The following CARMIL1 variants were observed in gnomAD, a reference collection of about 807,000 sequenced individuals.
CARMIL1 encodes the protein capping protein regulator and myosin 1 linker 1, also known as F-actin-uncapping protein LRRC16A.
Under a neutral mutation model 177.1 loss-of-function variants are expected in CARMIL1, and 90 were observed. The observed-to-expected ratio is 0.51, with a 90% confidence interval of 0.43 to 0.61. CARMIL1 has a LOEUF of 0.61. Ranked by LOEUF, CARMIL1 falls within the 20% of genes least tolerant of loss-of-function variation. CARMIL1 has a pLI of 0.00. For synonymous variants in CARMIL1, 577 were observed against 606.2 expected, an observed-to-expected ratio of 0.95 and a Z score of 0.71; for missense variants, 1,380 against 1,667.0, an observed-to-expected ratio of 0.83 and a Z score of 3.00.
chr6:25,382,306 C>T (rs766626537), intron 2 of CARMIL1, among the ~76,000 whole-genome samples: 2 of 152,082 alleles, frequency 1.3e-5, no homozygotes, highest in Non-Finnish European at 2.9e-5. Context: ...TCATGTTGGC[C>T]AGGCTGGTCT....
chr6:25,582,172 C>T (rs1048140630), intron 31 of CARMIL1, among the ~76,000 whole-genome samples: 2 of 152,194 alleles, frequency 1.3e-5, no homozygotes, highest in Admixed American at 6.5e-5. Flanking sequence ...AACCACCCTC[C>T]CAAGGTCACT....
At chr6:25,506,613 T>G (rs1395144359) in intron 17 of CARMIL1, among the ~76,000 whole-genome samples, 5 of 152,186 alleles carry the variant, frequency 3.3e-5, no homozygotes, top group Admixed American at 2.0e-4. Flanking sequence ...ACTAGATTGT[T>G]ATTTGGCATC....
At chr6:25,484,434 A>G (rs1802430375) in intron 12 of CARMIL1, among the ~76,000 whole-genome samples, 1 of 152,238 alleles carries the variant, frequency 6.6e-6, no homozygotes, top group Non-Finnish European at 1.5e-5. Context: ...ACACATTTAT[A>G]CACACATATT....
chr6:25,520,335 A>C lies in CARMIL1; in HGVS notation c.1966A>C (p.Lys656Gln). 6.6e-7 allele frequency: 1 copy of C among 1,512,840 alleles called. No homozygotes were observed. Among genetic ancestry groups the C allele is most frequent in the Non-Finnish European group, 9.0e-7 (1 of 1,113,240 alleles). 93.7% of individuals were successfully genotyped at this position (1,512,840 alleles called of 1,614,324 possible). ...NPEKTEDALQ[K>Q]IENYLLRNHE... ...TGAAAAAACAGAAGACGCTCTGCAA[A>C]AGGTATTAAAGAATCAGTAGCTTAA... The change falls in exon 23 of 37, where the codon AAG (lysine) becomes CAG (glutamine). Residue 656 changes from lysine to glutamine, a missense_variant and splice_region_variant. Coordinates refer to ENST00000329474, the MANE Select transcript of CARMIL1 (RefSeq NM_017640.6).
intron 2 of CARMIL1, among the ~76,000 whole-genome samples, chr6:25,321,712 G>A (rs1420395585): frequency 1.3e-5 from 2 of 151,338 alleles, no homozygotes; most frequent in African/African-American, 2.4e-5. Context: ...AGGCTGGAGT[G>A]CAGTGGTGCG....
chr6:25,514,923 C>T (rs1393566989), intron 20 of CARMIL1, among the ~76,000 whole-genome samples: 3 of 131,630 alleles, frequency 2.3e-5, no homozygotes, highest in Non-Finnish European at 3.3e-5. Context: ...GAGCGAGACC[C>T]TGTCTCAAAA....
At chr6:25,297,633 A>C (rs1561950222) in intron 2 of CARMIL1, among the ~76,000 whole-genome samples, 1 of 152,172 alleles carries the variant, frequency 6.6e-6, no homozygotes, top group Non-Finnish European at 1.5e-5. Flanking sequence ...GCACCTTGTC[A>C]CTTGGAGTTT....
Position 25,583,821 on chromosome 6 carries a change from A to AC in CARMIL1, c.3006+2390dup, listed in dbSNP as rs373890684. On this transcript the variant is annotated intron_variant, in intron 31 of 36. Transcript: ENST00000329474. Reference sequence around the variant, plus strand: ...ACTTTTGTAGATAGATAAAAAGACAACCCCCCCCACCCGCCTCCCGCCCAA... The same window carrying AC: ...ACTTTTGTAGATAGATAAAAAGACAACCCCCCCCCACCCGCCTCCCGCCCAA... Among the ~76,000 whole-genome samples the AC allele has an allele frequency of 5.9e-4, 89 of 149,746 alleles. 1 individual carries two copies. The highest frequency in any genetic ancestry group is 4.9e-3 in the South Asian group (23 of 4,660).
intron 2 of CARMIL1, among the ~76,000 whole-genome samples, chr6:25,418,167 T>C (rs1312741804): frequency 6.6e-6 from 1 of 152,118 alleles, no homozygotes; most frequent in African/African-American, 2.4e-5. Flanking sequence ...AGCTAGTAGG[T>C]TGACCAACAG....
In CARMIL1 at chr6:25,313,683, G is replaced by GCATATATATATATATATATATATATATA; in HGVS notation, c.138+28774_138+28775insCATATATATATATATATATATATATATA. 1.3e-3 allele frequency among the ~76,000 whole-genome samples: 172 copies of GCATATATATATATATATATATATATATA among 133,658 alleles called. 16 individuals carry two copies. The highest frequency in any genetic ancestry group is 5.9e-3 in the East Asian group (24 of 4,074). The allele number at this position is 133,658 out of a possible 152,430, so 87.7% of individuals were successfully genotyped here. A position where few individuals can be genotyped will look rare whatever the true frequency, so the allele number is the denominator to read the frequency against. On this transcript the variant is annotated intron_variant, in intron 2 of 36. Coordinates refer to ENST00000329474, the MANE Select transcript of CARMIL1 (RefSeq NM_017640.6). Reference sequence around the variant, plus strand: ...TAAAGATCTTTACCCAGGGAAGGCTGTATATATACAGTTATTTGGGAGAAA... The same window carrying GCATATATATATATATATATATATATATA: ...TAAAGATCTTTACCCAGGGAAGGCTGCATATATATATATATATATATATATATATATATATACAGTTATTTGGGAGAAA...
intron 3 of CARMIL1, among the ~76,000 whole-genome samples, chr6:25,425,712 CAGG>C (rs1441319650): frequency 6.6e-6 from 1 of 152,002 alleles, no homozygotes; most frequent in Non-Finnish European, 1.5e-5. Context: ...CTGCTGATTA[CAGG>C]AGAAGAGAGG....
chr6:25,288,496 T>TTTC (rs1220210496), intron 2 of CARMIL1, among the ~76,000 whole-genome samples: 3 of 150,660 alleles, frequency 2.0e-5, no homozygotes, highest in African/African-American at 7.4e-5. Flanking sequence ...TTTTTTTTTT[T>TTTC]CCGTATGGAA....
intron 16 of CARMIL1, among the ~76,000 whole-genome samples, chr6:25,499,903 T>C (rs760765945): frequency 2.8e-4 from 43 of 152,252 alleles, no homozygotes; most frequent in Non-Finnish European, 4.6e-4. Context: ...TTTATTTGCA[T>C]AGGAATAGCA....
intron 1 of CARMIL1, among the ~76,000 whole-genome samples, chr6:25,283,941 C>T (rs1781333973): frequency 6.6e-6 from 1 of 152,032 alleles, no homozygotes; most frequent in African/African-American, 2.4e-5. Context: ...TGGTCTTGAA[C>T]TCCTGGCCTC....
chr6:25,553,519 A>C (rs1810326036), intron 27 of CARMIL1, among the ~76,000 whole-genome samples: 1 of 152,234 alleles, frequency 6.6e-6, no homozygotes, highest in Non-Finnish European at 1.5e-5. Context: ...AGTCAAAGTA[A>C]GATGGTCAGT....
chr6:25,408,971 A>G (rs922458787), intron 2 of CARMIL1, among the ~76,000 whole-genome samples: 2 of 152,168 alleles, frequency 1.3e-5, no homozygotes, highest in Non-Finnish European at 2.9e-5. Context: ...AGTCTATTTC[A>G]TACTGATTCT....
rs1026401000 is a variant in CARMIL1, at chr6:25,581,144, A to G, written c.2810-99A>G. On this transcript the variant is annotated intron_variant, in intron 30 of 36. Transcript: ENST00000329474. ...TCTGTGAATGTGTGTTTGCTATTCT[A>G]TGCTAGACTTAAAATTACTTTTAGG... 9 of 1,312,360 alleles carry G rather than the reference A, an allele frequency of 6.9e-6. No individual in the cohort carries two copies. In the African/African-American group the frequency reaches 7.5e-5, roughly 11 times the overall value. 81.3% of individuals were successfully genotyped at this position (1,312,360 alleles called of 1,614,324 possible). A position where few individuals can be genotyped will look rare whatever the true frequency, so the allele number is the denominator to read the frequency against.
intron 2 of CARMIL1, among the ~76,000 whole-genome samples, chr6:25,340,247 G>A (rs778350436): frequency 3.3e-5 from 5 of 152,178 alleles, no homozygotes; most frequent in African/African-American, 1.2e-4. Context: ...TTCAAGCCAC[G>A]TGGTAAGGAA....
At position 25,491,993 on chromosome 6, in the gene CARMIL1, C is replaced by T. The variant is rs1803285555; in HGVS notation, c.1189C>T (p.Leu397Phe). 1 of 1,613,552 alleles carries T rather than the reference C, an allele frequency of 6.2e-7. No homozygotes were observed. The highest frequency in any genetic ancestry group is 1.7e-5 in the Admixed American group (1 of 59,980). Residue 397 changes from leucine to phenylalanine, a missense_variant, in exon 15 of 37, where the codon CTC becomes TTC. Coordinates refer to ENST00000329474, the MANE Select transcript of CARMIL1 (RefSeq NM_017640.6). ...TGGATGCCTTCAATATTTAGCTGTGCTCAACCTCTCCAGAACTGTCTTCTC... is the reference window on the plus strand; with the variant it reads ...TGGATGCCTTCAATATTTAGCTGTGTTCAACCTCTCCAGAACTGTCTTCTC... Reference protein sequence around the residue: ...LRGCLQYLAVLNLSRTVFSHR... With the variant: ...LRGCLQYLAVFNLSRTVFSHR...
Sources: gnomAD v4.1 joint callset for allele counts (sites outside exome capture counted in the v4.1 genomes callset) on GRCh38, gnomAD v4.1.1 for gene constraint, MANE v1.5 for transcripts, NCBI Gene and HGNC (gene_info 2026-07-23, HGNC 2026-07-21) for gene names.